Variants in WNT5A observed in about 807,000 individuals in gnomAD.
WNT5A encodes the protein Wnt family member 5A, also known as protein Wnt-5a.
Under a neutral mutation model 42.1 loss-of-function variants are expected in WNT5A, and 9 were observed. The observed-to-expected ratio is 0.21, with a 90% CI of 0.13 to 0.37. WNT5A has a LOEUF of 0.37. Ranked by LOEUF, WNT5A falls within the 10% of genes least tolerant of loss-of-function variation. WNT5A has a pLI of 1.00. For synonymous variants in WNT5A, 210 were observed against 210.0 expected, an observed-to-expected ratio of 1.00 and a Z score of 0.00; for missense variants, 426 against 534.0, an observed-to-expected ratio of 0.80 and a Z score of 1.99.
chr3:55,480,037 T>C (rs2051429176), intron 2 of WNT5A, among the ~76,000 whole-genome samples: 1 of 152,098 alleles, frequency 6.6e-6, no homozygotes. Context: ...GGGACAAGTA[T>C]ACAGACTGGA....
chr3:55,484,358 G>A (rs2051531036), intron 1 of WNT5A, among the ~76,000 whole-genome samples: 1 of 152,216 alleles, frequency 6.6e-6, no homozygotes, highest in Non-Finnish European at 1.5e-5. Flanking sequence ...GCCCAGGCGG[G>A]TAGGAGGTCC....
In WNT5A at chr3:55,467,413, C is replaced by T. The variant is rs925055460; in HGVS notation, c.*2679G>A. ...ACATATATAGGAAAAGAGAATTCCC[C>T]TTTTGTTCCATTACATATAGAAACC... is the stretch of plus-strand genomic sequence containing the variant. On this transcript the variant is annotated 3_prime_UTR_variant, in exon 5 of 5. Transcript: ENST00000264634. 6.6e-5 allele frequency: 10 copies of T among 150,454 alleles called. No homozygotes were observed. Among genetic ancestry groups the T allele is most frequent in the African/African-American group, 2.5e-4 (10 of 40,770 alleles). The allele number at this position is 150,454 out of a possible 1,614,324, so 9.3% of individuals were successfully genotyped here.
At position 55,483,951 on chromosome 3, in the gene WNT5A, C is replaced by T. The variant is rs1042437307; in HGVS notation, c.6+3029G>A. The stretch of plus-strand genomic sequence containing the variant: ...GTCTCGCAACACCCAACTCCTCCTC[C>T]GCAGGCAGTCCCTTAAGAGAATAGA... On this transcript the variant is annotated intron_variant, in intron 1 of 4. Transcript: ENST00000264634. This position sits in a 1 kb window ranked among gnomAD's most constrained non-coding sequence, Gnocchi z 4.2. Among the ~76,000 whole-genome samples, 1 of 151,950 alleles carries T rather than the reference C, an allele frequency of 6.6e-6. No homozygotes were observed. Among genetic ancestry groups the T allele is most frequent in the Admixed American group, 6.6e-5 (1 of 15,242 alleles).
the WNT5A span, among the ~76,000 whole-genome samples, chr3:55,504,406 T>C: frequency 1.1e-4 from 17 of 151,982 alleles, no homozygotes; most frequent in African/African-American, 4.1e-4. Context: ...GCCTTAGTTT[T>C]CCAACCCCTG....
the WNT5A span, among the ~76,000 whole-genome samples, chr3:55,504,471 C>CT: frequency 0.15 from 20,586 of 141,894 alleles, 1,750 homozygotes; most frequent in Non-Finnish European, 0.21. Flanking sequence ...GGGTAAACCC[C>CT]TTTTTTTTTT....
At chr3:55,473,234 C>A (rs912447529) in intron 4 of WNT5A, among the ~76,000 whole-genome samples, 1 of 152,114 alleles carries the variant, frequency 6.6e-6, no homozygotes, top group African/African-American at 2.4e-5. Context: ...GAGTGTGGGG[C>A]CAGAGTCTTC....
In WNT5A at chr3:55,470,053, C is replaced by T. The variant is rs920456630; in HGVS notation, c.*39G>A. On this transcript the variant is annotated 3_prime_UTR_variant, in exon 5 of 5. Transcript: ENST00000264634. ...AATCACTGTACTTTCTATAAATAAG[C>T]GGGTCCTGGGAGCGGGGCTGAGTGC... The T allele has an allele frequency of 4.3e-6, 7 of 1,609,892 alleles. No homozygotes were observed. Among genetic ancestry groups the T allele is most frequent in the Non-Finnish European group, 5.9e-6 (7 of 1,176,578 alleles).
chr3:55,499,700 A>T, the WNT5A span, among the ~76,000 whole-genome samples: 1 of 152,192 alleles, frequency 6.6e-6, no homozygotes, highest in South Asian at 2.1e-4. Context: ...AAGGCCAGGC[A>T]TGGTGGCTCA....
At chr3:55,482,650 G>T (rs1267255098) in intron 1 of WNT5A, among the ~76,000 whole-genome samples, 1 of 152,162 alleles carries the variant, frequency 6.6e-6, no homozygotes, top group African/African-American at 2.4e-5. Context: ...TGCTAAGCAG[G>T]GCTCCACACC....
chr3:55,486,508 TC>T (rs2051581637), intron 1 of WNT5A, among the ~76,000 whole-genome samples: 1 of 152,172 alleles, frequency 6.6e-6, no homozygotes, highest in Admixed American at 6.5e-5. Context: ...GGCCCCTAGT[TC>T]CTCTGCGGGT....
At position 55,468,093 on chromosome 3, in the gene WNT5A, A is replaced by T. The variant is rs1443257639; in HGVS notation, c.*1999T>A. On this transcript the variant is annotated 3_prime_UTR_variant, in exon 5 of 5. Coordinates refer to ENST00000264634, the MANE Select transcript of WNT5A (RefSeq NM_003392.7). Reference sequence around the variant, plus strand: ...ACTTTTAAAACAACGTAAGTCTGAGATAAGAACATATTTGATGGCACTGTT... The same window carrying T: ...ACTTTTAAAACAACGTAAGTCTGAGTTAAGAACATATTTGATGGCACTGTT... The T allele has an allele frequency of 1.3e-5, 2 of 151,396 alleles. No homozygotes were observed. The highest frequency in any genetic ancestry group is 6.6e-5 in the Admixed American group (1 of 15,166). The allele number at this position is 151,396 out of a possible 1,614,324, so 9.4% of individuals were successfully genotyped here.
At chr3:55,504,748 G>A in the WNT5A span, among the ~76,000 whole-genome samples, 1 of 152,216 alleles carries the variant, frequency 6.6e-6, no homozygotes, top group South Asian at 2.1e-4. Flanking sequence ...ACAGGCGTAA[G>A]CCACTGTGCC....
At chr3:55,487,388 G>A, upstream of WNT5A, 1 of 242,222 alleles carries the variant, frequency 4.1e-6, no homozygotes, top group Non-Finnish European at 7.8e-6. Flanking sequence ...GGGCGTGATT[G>A]TGCAAAAGAC....
In WNT5A at chr3:55,465,838, C is replaced by T. The variant is rs2051133745; in HGVS notation, c.*4254G>A. On this transcript the variant is annotated 3_prime_UTR_variant, in exon 5 of 5. Coordinates refer to ENST00000264634, the MANE Select transcript of WNT5A (RefSeq NM_003392.7). Reference sequence around the variant, plus strand: ...TAAAAATGGTCTAAGATGCAATTTTCCTCCATTCCTTTTTTGCTTTTAAAA... The same window carrying T: ...TAAAAATGGTCTAAGATGCAATTTTTCTCCATTCCTTTTTTGCTTTTAAAA... 6.6e-6 allele frequency: 1 copy of T among 152,048 alleles called. No individual in the cohort carries two copies. The highest frequency in any genetic ancestry group is 1.5e-5 in the Non-Finnish European group (1 of 67,994). The allele number at this position is 152,048 out of a possible 1,614,324, so 9.4% of individuals were successfully genotyped here.
chr3:55,480,881 C>A lies in WNT5A; in HGVS notation c.44G>T (p.Gly15Val). Residue 15 changes from glycine (G) to valine (V), a missense_variant, in exon 2 of 5, where the codon GGG becomes GTG. Physicochemically the swap from Gly to Val is moderately radical, Grantham distance 109. Coordinates refer to ENST00000264634, the MANE Select transcript of WNT5A (RefSeq NM_003392.7). ...GGAAGACATTGCACTTCCAGCCATCCCCAAAGCAACTCCTGGGCTTAATAT... is the reference window on the plus strand; with the variant it reads ...GGAAGACATTGCACTTCCAGCCATCACCAAAGCAACTCCTGGGCTTAATAT... ...IGILSPGVAL[G>V]MAGSAMSSKF... 6.3e-7 allele frequency: 1 copy of A among 1,587,518 alleles called. No homozygotes were observed. The highest frequency in any genetic ancestry group is 8.6e-7 in the Non-Finnish European group (1 of 1,166,020).
chr3:55,496,403 G>A, the WNT5A span, among the ~76,000 whole-genome samples: 1 of 152,198 alleles, frequency 6.6e-6, no homozygotes, highest in Non-Finnish European at 1.5e-5. Flanking sequence ...AAGTGGTTTT[G>A]ACTTAAGCAA....
the WNT5A span, among the ~76,000 whole-genome samples, chr3:55,504,791 A>G: frequency 6.6e-6 from 1 of 152,306 alleles, no homozygotes; most frequent in Non-Finnish European, 1.5e-5. Flanking sequence ...ATAAGATAAA[A>G]CAGAGAGGTA....
the WNT5A span, among the ~76,000 whole-genome samples, chr3:55,502,652 A>C: frequency 6.6e-6 from 1 of 152,222 alleles, no homozygotes; most frequent in Admixed American, 6.5e-5. Flanking sequence ...TTAAGCTACT[A>C]TGTTTGAAGA....
intron 4 of WNT5A, among the ~76,000 whole-genome samples, chr3:55,471,951 G>A (rs1262757495): frequency 6.6e-6 from 1 of 152,190 alleles, no homozygotes; most frequent in Non-Finnish European, 1.5e-5. Flanking sequence ...GGCATAAAGA[G>A]TTTCAGGCAC....
Sources: gnomAD v4.1 joint callset for allele counts (sites outside exome capture counted in the v4.1 genomes callset) on GRCh38, gnomAD v4.1.1 for gene constraint, Gnocchi (gnomAD v3.1) non-coding constraint, MANE v1.5 for transcripts, NCBI Gene and HGNC (gene_info 2026-07-23, HGNC 2026-07-21) for gene names.